USP5: variants seen among roughly 807,000 people sequenced by gnomAD.
The protein encoded by USP5 is ubiquitin carboxyl-terminal hydrolase 5.
Under a neutral mutation model 102.5 loss-of-function variants are expected in USP5, and 24 were observed. The observed-to-expected ratio is 0.23, with a 90% CI of 0.17 to 0.33. The LOEUF (loss-of-function observed/expected upper bound fraction) is 0.33. Ranked by LOEUF, USP5 falls within the 10% of genes least tolerant of loss-of-function variation. The pLI is 1.00. For missense variants in USP5, 753 were observed against 1,122.1 expected (o/e 0.67, Z 4.70); for synonymous variants, 460 against 434.8 (o/e 1.06, Z -0.72).
At chr12:6,865,488 C>G (rs1158111681) in intron 19 of USP5, among the ~76,000 whole-genome samples, 1 of 152,092 alleles carries the variant, frequency 6.6e-6, no homozygotes, top group African/African-American at 2.4e-5. Context: ...GTCTTGAACT[C>G]CTGAGCTCAA....
At chr12:6,852,377 C>A (rs1943939041) in intron 1 of USP5, 87 bp downstream of exon 1, 4 of 1,320,078 alleles carry the variant, frequency 3.0e-6, no homozygotes, top group Admixed American at 4.0e-5. Flanking sequence ...CTTGGGCTAC[C>A]GCCTCCCTGC....
Position 6,860,338 on chromosome 12 carries a change from G to A in USP5, c.1219-28G>A. 6.2e-7 allele frequency: 1 copy of A among 1,614,122 alleles called. No individual in the cohort carries two copies. Among genetic ancestry groups the A allele is most frequent in the Non-Finnish European group, 8.5e-7 (1 of 1,180,002 alleles). ...GCCCCTGGATGGCCACTGAGCCCCA[G>A]CTGAGTCCCTGCCCTGACTCTTCCC... On this transcript the variant is annotated intron_variant, in intron 10 of 19. Transcript: ENST00000229268. This position sits in a 1 kb window ranked among gnomAD's most constrained non-coding sequence, Gnocchi z 5.5.
At chr12:6,853,015 A>T (rs1051796659) in intron 1 of USP5, among the ~76,000 whole-genome samples, 1 of 141,492 alleles carries the variant, frequency 7.1e-6, no homozygotes, top group African/African-American at 2.7e-5. Flanking sequence ...CCTCTTTCCC[A>T]TCCCGCTCCC....
rs148640344 is a variant in USP5, at chr12:6,862,536, A to C, written c.1740A>C (p.Leu580Phe). Residue 580 changes from leucine (L) to phenylalanine (F), a missense_variant, in exon 14 of 20, where the codon TTA becomes TTC. Around this residue, in one of 3 missense-constraint regions of USP5, gnomAD observed 527 missense variants for 816.5 expected, o/e 0.65. Transcript: ENST00000229268. ...AGATCAAGAAGTTCACCTTCGGCTTAGACTGGGTGCCCAAGAAACTGGGTA... is the reference window on the plus strand; with the variant it reads ...AGATCAAGAAGTTCACCTTCGGCTTCGACTGGGTGCCCAAGAAACTGGGTA... Reference protein sequence around the residue: ...VIQIKKFTFGLDWVPKKLDVS... With the variant: ...VIQIKKFTFGFDWVPKKLDVS... 7 of 1,614,096 alleles carry C rather than the reference A, an allele frequency of 4.3e-6. No homozygotes were observed. Among genetic ancestry groups the C allele is most frequent in the Middle Eastern group, 1.6e-4 (1 of 6,084 alleles).
rs1181645688 is a variant in USP5, at chr12:6,852,174, G to A, written c.-6G>A. Reference sequence around the variant, plus strand: ...CGCCGTGTGTGGAGAAGCTGCTGCCGGTGTCATGGCGGAGCTGAGTGAGGA... The same window carrying A: ...CGCCGTGTGTGGAGAAGCTGCTGCCAGTGTCATGGCGGAGCTGAGTGAGGA... On this transcript the variant is annotated 5_prime_UTR_variant, in exon 1 of 20. Coordinates refer to ENST00000229268, the MANE Select transcript of USP5 (RefSeq NM_001098536.2). 1 of 1,608,974 alleles carries A rather than the reference G, an allele frequency of 6.2e-7. No individual in the cohort carries two copies. Among genetic ancestry groups the A allele is most frequent in the Non-Finnish European group, 8.5e-7 (1 of 1,178,120 alleles).
chr12:6,859,865 C>T (rs782776455), intron 9 of USP5, among the ~76,000 whole-genome samples: 1 of 152,240 alleles, frequency 6.6e-6, no homozygotes, highest in East Asian at 1.9e-4. Context: ...TCATGTTGGC[C>T]AGGATGGTCT....
intron 1 of USP5, among the ~76,000 whole-genome samples, chr12:6,854,955 G>A (rs386759954): frequency 1.6e-4 from 25 of 152,202 alleles, no homozygotes; most frequent in Middle Eastern, 6.8e-3. Context: ...CCTCTCCCAC[G>A]AAGGGACCCT....
chr12:6,866,100 A>AT lies in USP5; in HGVS notation c.*24dup, dbSNP rs1944437767. The AT allele has an allele frequency of 6.3e-7, 1 of 1,598,250 alleles. No homozygotes were observed. Among genetic ancestry groups the AT allele is most frequent in the African/African-American group, 1.3e-5 (1 of 74,528 alleles). ...TAAGAGCCTGCCTCACCCCTTACCA[A>AT]TGAGGGCAGGGGAAGACCACCTGGC... On this transcript the variant is annotated 3_prime_UTR_variant, in exon 20 of 20. Coordinates refer to ENST00000229268, the MANE Select transcript of USP5 (RefSeq NM_001098536.2). The surrounding 1 kb of genome is among the most constrained non-coding windows in gnomAD (Gnocchi z 4.7).
chr12:6,857,451 C>A (rs782546590), intron 6 of USP5, 178 bp from the exon 7 acceptor site: 29 of 545,834 alleles, frequency 5.3e-5, no homozygotes, highest in Middle Eastern at 4.8e-4. Context: ...CTTCCCTGAC[C>A]GTCAGCCCCA....
intron 1 of USP5, among the ~76,000 whole-genome samples, chr12:6,853,968 C>G (rs2138030705): frequency 6.6e-6 from 1 of 152,306 alleles, no homozygotes; most frequent in South Asian, 2.1e-4. Flanking sequence ...ACTTTTATTC[C>G]TGGAAGAGGA....
In USP5 at chr12:6,858,249, G is replaced by A. The variant is rs1244149144; in HGVS notation, c.865-175G>A. 1.3e-5 allele frequency among the ~76,000 whole-genome samples: 2 copies of A among 152,194 alleles called. No individual in the cohort carries two copies. Among genetic ancestry groups the A allele is most frequent in the Non-Finnish European group, 2.9e-5 (2 of 68,028 alleles). ...ACTAACGGGCCTCTGGGACAATTAT[G>A]TGTGGCCTTCCAGAACTTGAACTGG... On this transcript the variant is annotated intron_variant, in intron 7 of 19. Coordinates refer to ENST00000229268, the MANE Select transcript of USP5 (RefSeq NM_001098536.2). The surrounding 1 kb of genome is among the most constrained non-coding windows in gnomAD (Gnocchi z 4.2).
At chr12:6,862,749 A>G (rs1413729504) in intron 14 of USP5, among the ~76,000 whole-genome samples, 191 bp downstream of exon 14, 1 of 152,258 alleles carries the variant, frequency 6.6e-6, no homozygotes, top group African/African-American at 2.4e-5. Context: ...TGTTATAGGT[A>G]TGATTTACAA....
At chr12:6,859,978 C>T (rs1471088620) in intron 9 of USP5, among the ~76,000 whole-genome samples, 173 bp from the exon 10 acceptor site, 2 of 152,164 alleles carry the variant, frequency 1.3e-5, no homozygotes, top group African/African-American at 4.8e-5. Flanking sequence ...TAGGAGCATT[C>T]GGGTGACTGT....
Position 6,866,375 on chromosome 12 carries a change from C to T in USP5, c.*298C>T. ...CTCTGCTTCTCTGTGTCGCCCCGCCCAGCCCCCTGGTGTGGAGGGAGGGGT... is the reference window on the plus strand; with the variant it reads ...CTCTGCTTCTCTGTGTCGCCCCGCCTAGCCCCCTGGTGTGGAGGGAGGGGT... On this transcript the variant is annotated 3_prime_UTR_variant, in exon 20 of 20. Transcript: ENST00000229268. The surrounding 1 kb of genome is among the most constrained non-coding windows in gnomAD (Gnocchi z 4.7). 7.8e-6 allele frequency: 3 copies of T among 386,888 alleles called. No individual in the cohort carries two copies. The highest frequency in any genetic ancestry group is 1.5e-5 in the Non-Finnish European group (3 of 206,296). 24.0% of individuals were successfully genotyped at this position (386,888 alleles called of 1,614,324 possible). A position where few individuals can be genotyped will look rare whatever the true frequency, so the allele number is the denominator to read the frequency against.
intron 8 of USP5, among the ~76,000 whole-genome samples, chr12:6,859,011 A>G (rs1339665892): frequency 6.6e-6 from 1 of 152,118 alleles, no homozygotes; most frequent in African/African-American, 2.4e-5. Flanking sequence ...GACAGACTCA[A>G]GGGTTAGCAG....
At chr12:6,857,376 A>G (rs1268750640) in intron 6 of USP5, 7 of 469,746 alleles carry the variant, frequency 1.5e-5, no homozygotes, top group Non-Finnish European at 3.8e-6. Flanking sequence ...AGCCTGTCTT[A>G]CCTTATCCTA....
chr12:6,859,872 G>A (rs1165193603), intron 9 of USP5, among the ~76,000 whole-genome samples: 3 of 152,130 alleles, frequency 2.0e-5, no homozygotes, highest in Non-Finnish European at 4.4e-5. Flanking sequence ...GGCCAGGATG[G>A]TCTCGATCTC....
Position 6,861,735 on chromosome 12 carries a change from A to C in USP5, c.1673+118A>C. The C allele has an allele frequency of 8.3e-7, 1 of 1,199,274 alleles. No individual in the cohort carries two copies. Among genetic ancestry groups the C allele is most frequent in the Non-Finnish European group, 1.1e-6 (1 of 922,934 alleles). 74.3% of individuals were successfully genotyped at this position (1,199,274 alleles called of 1,614,324 possible). A position where few individuals can be genotyped will look rare whatever the true frequency, so the allele number is the denominator to read the frequency against. On this transcript the variant is annotated intron_variant, in intron 13 of 19. Transcript: ENST00000229268. This position sits in a 1 kb window ranked among gnomAD's most constrained non-coding sequence, Gnocchi z 4.9. ...GTGGTTGGAACCTCAGGGTTGAATC[A>C]GTTGGGCTGGTAATCTGGCCCTGAT...
At chr12:6,862,348 A>T (rs1944303352) in intron 13 of USP5, 122 bp from the exon 14 acceptor site, 1 of 854,216 alleles carries the variant, frequency 1.2e-6, no homozygotes, top group African/African-American at 1.7e-5. Context: ...GAAGAGAAGA[A>T]TATGGAGGAT....
Sources: allele counts gnomAD v4.1 joint callset (sites outside exome capture counted in the v4.1 genomes callset), GRCh38; gene constraint gnomAD v4.1.1; regional missense constraint gnomAD v4.1.1; non-coding constraint Gnocchi (gnomAD v3.1); transcripts MANE v1.5; gene names NCBI Gene and HGNC (gene_info 2026-07-23, HGNC 2026-07-21).